ERC2: variants seen among roughly 807,000 people sequenced by gnomAD.
ERC2 encodes ERC protein 2.
A neutral mutation model predicts 114.8 loss-of-function variants in ERC2; 42 were observed. The ratio of observed to expected loss-of-function variants is 0.37; its 90% CI spans 0.29 to 0.47. The LOEUF (loss-of-function observed/expected upper bound fraction) is 0.47. Ranked by LOEUF, ERC2 falls within the 20% of genes least tolerant of loss-of-function variation. The probability of loss-of-function intolerance (pLI) is 0.99; values close to 1 mark genes in which losing one functional copy is unlikely to be tolerated. For missense variants in ERC2, 939 were observed against 1,150.7 expected (o/e 0.82, Z 2.66); for synonymous variants, 454 against 425.5 (o/e 1.07, Z -0.82).
chr3:56,263,947 T>C (rs1436578404), intron 3 of ERC2, among the ~76,000 whole-genome samples: 1 of 152,168 alleles, frequency 6.6e-6, no homozygotes, highest in Non-Finnish European at 1.5e-5. Context: ...CATCAAATTA[T>C]TATACATTGT....
intron 2 of ERC2, among the ~76,000 whole-genome samples, chr3:56,323,380 C>T (rs182743730): frequency 1.6e-3 from 240 of 152,260 alleles, no homozygotes; most frequent in Non-Finnish European, 2.6e-3. Context: ...AAGCTACCGT[C>T]TTTGACAATG....
At position 55,510,266 on chromosome 3, in the gene ERC2, TA is replaced by T. The variant is rs34830121; in HGVS notation, c.*1049del. On this transcript the variant is annotated 3_prime_UTR_variant, in exon 18 of 18. Transcript: ENST00000288221. ...ATCCATGTTGCAGACACATTTTCTT[TA>T]AAAAAAAAAAAAAAGAGAAATGACC... 107,962 of 147,162 alleles carry T rather than the reference TA, an allele frequency of 0.73. 40,244 individuals carry two copies. Among genetic ancestry groups the T allele is most frequent in the African/African-American group, 0.84 (33,500 of 40,088 alleles). 9.1% of individuals were successfully genotyped at this position (147,162 alleles called of 1,614,324 possible). A position where few individuals can be genotyped will look rare whatever the true frequency, so the allele number is the denominator to read the frequency against.
chr3:55,785,396 A>G lies in ERC2; in HGVS notation c.2565-50478T>C, dbSNP rs77374707. Among the ~76,000 whole-genome samples, 1,519 of 152,282 alleles carry G rather than the reference A, an allele frequency of 1.0e-2. 24 individuals are homozygous for G. Among genetic ancestry groups the G allele is most frequent in the African/African-American group, 0.035 (1,449 of 41,552 alleles). On this transcript the variant is annotated intron_variant, in intron 14 of 17. Transcript: ENST00000288221. The stretch of plus-strand genomic sequence containing the variant: ...CAAGGTTTCTGCCATCACTTCTCTC[A>G]GTTCCTTCTTTTAGCTAACCTCCAT...
At chr3:56,268,480 T>C (rs1030357948) in intron 3 of ERC2, among the ~76,000 whole-genome samples, 3 of 152,062 alleles carry the variant, frequency 2.0e-5, no homozygotes, top group African/African-American at 7.2e-5. Flanking sequence ...AAAAACAAAA[T>C]AAATATAAGA....
chr3:56,255,352 C>G (rs1456801413), intron 3 of ERC2, among the ~76,000 whole-genome samples: 3 of 152,228 alleles, frequency 2.0e-5, no homozygotes, highest in African/African-American at 7.2e-5. Context: ...TCATCCCCAT[C>G]CTGGGCTTCC....
chr3:55,593,419 C>G (rs1408633674), intron 17 of ERC2, among the ~76,000 whole-genome samples: 1 of 152,012 alleles, frequency 6.6e-6, no homozygotes, highest in African/African-American at 2.4e-5. Flanking sequence ...TGTACACACA[C>G]CTTCTTTCCT....
At position 56,370,587 on chromosome 3, in the gene ERC2, G is replaced by GTTTT. The variant is rs1404693067; in HGVS notation, c.657+63760_657+63763dup. On this transcript the variant is annotated intron_variant, in intron 2 of 17. Coordinates refer to ENST00000288221, the MANE Select transcript of ERC2 (RefSeq NM_015576.3). The stretch of plus-strand genomic sequence containing the variant: ...GTTTGTTTTTTGGGTTTTGGTGGGG[G>GTTTT]TTTTTTTGTTTTTTTTTTTTTTTTT... Among the ~76,000 whole-genome samples the GTTTT allele has an allele frequency of 5.9e-4, 81 of 138,426 alleles. 1 individual carries two copies. The highest frequency in any genetic ancestry group is 1.4e-3 in the African/African-American group (50 of 36,610). 90.8% of individuals were successfully genotyped at this position (138,426 alleles called of 152,430 possible). A position where few individuals can be genotyped will look rare whatever the true frequency, so the allele number is the denominator to read the frequency against.
chr3:56,179,517 T>C lies in ERC2; in HGVS notation c.1075-5997A>G, dbSNP rs138293890. On this transcript the variant is annotated intron_variant, in intron 3 of 17. Transcript: ENST00000288221. ...CAGACCCATCAGAGCTAGTTAGAGG[T>C]AACTGGAATAACTCTTGCAAGGCAT... is the stretch of plus-strand genomic sequence containing the variant. Among the ~76,000 whole-genome samples the C allele has an allele frequency of 1.1e-4, 17 of 151,794 alleles. No homozygotes were observed. The East Asian group carries it at 3.3e-3, about 30-fold the overall frequency.
At chr3:55,516,731 A>G (rs1370906775) in intron 17 of ERC2, among the ~76,000 whole-genome samples, 7 of 152,210 alleles carry the variant, frequency 4.6e-5, no homozygotes, top group Non-Finnish European at 1.0e-4. Context: ...GTGTACATCA[A>G]AATGGCAGCA....
intron 14 of ERC2, among the ~76,000 whole-genome samples, chr3:55,738,170 G>T (rs1245788977): frequency 1.3e-5 from 2 of 152,096 alleles, no homozygotes; most frequent in Admixed American, 1.3e-4. Context: ...AGGCTAACTT[G>T]TTAGGATGCC....
At chr3:55,586,471 C>T (rs1360564782) in intron 17 of ERC2, among the ~76,000 whole-genome samples, 4 of 152,300 alleles carry the variant, frequency 2.6e-5, no homozygotes, top group South Asian at 2.1e-4. Context: ...AACATAAGAA[C>T]GCAATCTAAA....
intron 14 of ERC2, among the ~76,000 whole-genome samples, chr3:55,827,271 GAA>G (rs1278863931): frequency 2.0e-5 from 3 of 149,986 alleles, no homozygotes; most frequent in Admixed American, 6.7e-5. Context: ...GAGAAAGAAA[GAA>G]AGAGAGGAGA....
intron 13 of ERC2, among the ~76,000 whole-genome samples, chr3:55,930,434 C>T (rs967706658): frequency 2.0e-5 from 3 of 152,010 alleles, no homozygotes; most frequent in African/African-American, 7.3e-5. Flanking sequence ...GAACAGAGGC[C>T]TCAGAAATAA....
At chr3:55,920,609 T>C (rs896925927) in intron 13 of ERC2, among the ~76,000 whole-genome samples, 1 of 152,252 alleles carries the variant, frequency 6.6e-6, no homozygotes, top group South Asian at 2.1e-4. Context: ...CTTAATTCTA[T>C]TTTAATAATG....
chr3:56,077,799 C>T (rs2077044799), intron 7 of ERC2, among the ~76,000 whole-genome samples: 1 of 152,182 alleles, frequency 6.6e-6, no homozygotes, highest in South Asian at 2.1e-4. Flanking sequence ...ACACTTTTAT[C>T]TAGGCTATGT....
chr3:56,425,353 T>C (rs1391850079), intron 2 of ERC2, among the ~76,000 whole-genome samples: 1 of 152,110 alleles, frequency 6.6e-6, no homozygotes, highest in African/African-American at 2.4e-5. Context: ...CCTAGGGTAC[T>C]GGCAACCAAG....
intron 3 of ERC2, among the ~76,000 whole-genome samples, chr3:56,259,615 A>G (rs2150256612): frequency 6.6e-6 from 1 of 152,050 alleles, no homozygotes; most frequent in African/African-American, 2.4e-5. Context: ...TTATTATATT[A>G]TATATTTATA....
rs142926954 is a variant in ERC2 at position 55,745,196 on chromosome 3, A to G, written c.2565-10278T>C. The stretch of plus-strand genomic sequence containing the variant: ...TGGAGAGGAGTCTGCTGACCACAGA[A>G]GAGTTGCATCCCAGACAAGCCAGGC... On this transcript the variant is annotated intron_variant, in intron 14 of 17. Coordinates refer to ENST00000288221, the MANE Select transcript of ERC2 (RefSeq NM_015576.3). 3.6e-3 allele frequency among the ~76,000 whole-genome samples: 548 copies of G among 152,332 alleles called. 1 individual carries two copies. The highest frequency in any genetic ancestry group is 0.012 in the African/African-American group (504 of 41,570).
At chr3:55,794,631 C>T (rs979114419) in intron 14 of ERC2, among the ~76,000 whole-genome samples, 2 of 152,134 alleles carry the variant, frequency 1.3e-5, no homozygotes, top group East Asian at 1.9e-4. Flanking sequence ...TGAAAGCATA[C>T]GCATTTTGTC....
Sources: gnomAD v4.1 joint callset for allele counts (sites outside exome capture counted in the v4.1 genomes callset) on GRCh38, gnomAD v4.1.1 for gene constraint, MANE v1.5 for transcripts, NCBI Gene and HGNC (gene_info 2026-07-23, HGNC 2026-07-21) for gene names.